Variants in HDAC9 observed in about 807,000 individuals in gnomAD.
The protein encoded by HDAC9 is MEF-2 interacting transcription repressor (MITR) protein.
A neutral mutation model predicts 139.4 loss-of-function variants in HDAC9; 41 were observed. That is an observed-to-expected ratio of 0.29 (90% confidence interval 0.23 to 0.38). The LOEUF (loss-of-function observed/expected upper bound fraction) is 0.38. HDAC9 is among the 10% of genes least tolerant of loss of function. HDAC9 has a pLI of 1.00. For missense variants in HDAC9, 1,147 were observed against 1,297.0 expected, an observed-to-expected ratio of 0.88 and a Z score of 1.78; for synonymous variants, 517 against 476.2, an observed-to-expected ratio of 1.09 and a Z score of -1.12.
intron 12 of HDAC9, among the ~76,000 whole-genome samples, chr7:18,707,882 C>T (rs886852478): frequency 1.8e-5 from 2 of 111,854 alleles, no homozygotes; most frequent in Admixed American, 8.9e-5. Flanking sequence ...TGTGTATGCA[C>T]GTGCATACAT....
intron 22 of HDAC9, among the ~76,000 whole-genome samples, chr7:18,886,541 T>A (rs1800169493): frequency 6.6e-6 from 1 of 152,222 alleles, no homozygotes; most frequent in Non-Finnish European, 1.5e-5. Context: ...GCTGTTTTTT[T>A]AATTTTCATA....
intron 22 of HDAC9, among the ~76,000 whole-genome samples, chr7:18,875,680 T>A (rs182263023): frequency 2.0e-3 from 309 of 152,272 alleles, no homozygotes; most frequent in East Asian, 5.2e-3. Flanking sequence ...AGCAAAATAA[T>A]TCATGATTTT....
At chr7:18,381,056 G>A (rs1017686088) in intron 1 of HDAC9, among the ~76,000 whole-genome samples, 6 of 151,478 alleles carry the variant, frequency 4.0e-5, no homozygotes, top group African/African-American at 1.5e-4. Flanking sequence ...AAATTAGTCC[G>A]GTGTGGTGGT....
chr7:18,304,821 C>T (rs993777605), intron 1 of HDAC9, among the ~76,000 whole-genome samples: 1 of 152,072 alleles, frequency 6.6e-6, no homozygotes, highest in African/African-American at 2.4e-5. Flanking sequence ...GAGAAATTCT[C>T]CAGCAGATCA....
At chr7:18,332,228 G>A (rs1800975080) in intron 1 of HDAC9, among the ~76,000 whole-genome samples, 1 of 151,570 alleles carries the variant, frequency 6.6e-6, no homozygotes, top group Non-Finnish European at 1.5e-5. Flanking sequence ...GTAGAAATAA[G>A]GTAAGGTTGA....
intron 23 of HDAC9, chr7:18,949,412 T>C (rs748770849): frequency 6.4e-5 from 16 of 248,106 alleles, no homozygotes; most frequent in Non-Finnish European, 1.2e-4. Context: ...TCCACAGCTG[T>C]TAAGTGCTGC....
intron 25 of HDAC9, among the ~76,000 whole-genome samples, chr7:18,982,689 A>G (rs1262217530): frequency 6.6e-6 from 1 of 152,042 alleles, no homozygotes; most frequent in Non-Finnish European, 1.5e-5. Flanking sequence ...ACCGTCAATT[A>G]TGTTTGCCTG....
At chr7:18,428,487 A>T (rs1790330815) in intron 1 of HDAC9, among the ~76,000 whole-genome samples, 1 of 152,228 alleles carries the variant, frequency 6.6e-6, no homozygotes, top group Non-Finnish European at 1.5e-5. Flanking sequence ...CAAAGAAGAC[A>T]TACACATGAC....
intron 2 of HDAC9, among the ~76,000 whole-genome samples, chr7:18,221,377 T>A (rs530161197): frequency 1.2e-4 from 19 of 152,272 alleles, no homozygotes; most frequent in African/African-American, 4.3e-4. Context: ...AGTGCTGGGA[T>A]TACAGGCACG....
At chr7:18,852,722 A>AT (rs777719219) in intron 21 of HDAC9, among the ~76,000 whole-genome samples, 16 of 152,146 alleles carry the variant, frequency 1.1e-4, no homozygotes, top group Admixed American at 7.9e-4. Context: ...AAACAGACAA[A>AT]TTCTGCAAAG....
chr7:18,402,561 T>G (rs1787643227), intron 1 of HDAC9, among the ~76,000 whole-genome samples: 1 of 152,136 alleles, frequency 6.6e-6, no homozygotes, highest in Non-Finnish European at 1.5e-5. Context: ...GGGTTTTGAT[T>G]GCCAAGCTAA....
chr7:18,743,622 T>C (rs1584957132), intron 13 of HDAC9, among the ~76,000 whole-genome samples: 1 of 144,678 alleles, frequency 6.9e-6, no homozygotes, highest in African/African-American at 2.5e-5. Flanking sequence ...AAAAAAAAAA[T>C]TGCAGATAGT....
At chr7:18,386,601 C>T (rs1178060023) in intron 1 of HDAC9, among the ~76,000 whole-genome samples, 1 of 152,166 alleles carries the variant, frequency 6.6e-6, no homozygotes. Context: ...TAAACACTTA[C>T]AAGAACATCG....
intron 2 of HDAC9, among the ~76,000 whole-genome samples, chr7:18,511,716 A>G (rs895034991): frequency 1.7e-4 from 26 of 152,354 alleles, no homozygotes; most frequent in African/African-American, 5.3e-4. Flanking sequence ...CACTCAACCA[A>G]CAGGTAACAG....
At chr7:18,186,009 A>T (rs1789885491) in intron 2 of HDAC9, among the ~76,000 whole-genome samples, 1 of 152,344 alleles carries the variant, frequency 6.6e-6, no homozygotes, top group Non-Finnish European at 1.5e-5. Context: ...TTCTAAGTGT[A>T]TTAAGTACTT....
At chr7:18,307,378 G>A (rs988920017) in intron 1 of HDAC9, among the ~76,000 whole-genome samples, 1 of 152,138 alleles carries the variant, frequency 6.6e-6, no homozygotes, top group African/African-American at 2.4e-5. Flanking sequence ...TGAATTTTGT[G>A]AAAATAATGG....
At position 18,546,755 on chromosome 7, in the gene HDAC9, A is replaced by ACTCC. The variant is rs530470032; in HGVS notation, c.23-38526_23-38525insCTCC. On this transcript the variant is annotated intron_variant, in intron 2 of 25. Coordinates refer to ENST00000686413, the MANE Select transcript of HDAC9 (RefSeq NM_178425.4). Reference sequence around the variant, plus strand: ...TTCTCCAGCAGGGACAGAGTTGGAGAATCGCTGAGTCACCAGTCTCCCCTC... The same window carrying ACTCC: ...TTCTCCAGCAGGGACAGAGTTGGAGACTCCATCGCTGAGTCACCAGTCTCCCCTC... 2.3e-4 allele frequency among the ~76,000 whole-genome samples: 35 copies of ACTCC among 152,288 alleles called. No individual in the cohort carries two copies. The East Asian group carries it at 6.4e-3, about 28-fold the overall frequency.
At chr7:18,148,610 C>G (rs1331185821) in intron 1 of HDAC9, among the ~76,000 whole-genome samples, 1 of 152,180 alleles carries the variant, frequency 6.6e-6, no homozygotes, top group Non-Finnish European at 1.5e-5. Context: ...GCGCTCGCCA[C>G]CACGCCCAGC....
intron 25 of HDAC9, among the ~76,000 whole-genome samples, chr7:18,985,977 G>C (rs1288609433): frequency 2.3e-5 from 1 of 43,654 alleles, no homozygotes. Flanking sequence ...TTAGCCCTTT[G>C]TCAGATGAGT....
Sources: allele counts gnomAD v4.1 joint callset (sites outside exome capture counted in the v4.1 genomes callset), GRCh38; gene constraint gnomAD v4.1.1; transcripts MANE v1.5; gene names NCBI Gene and HGNC (gene_info 2026-07-23, HGNC 2026-07-21).